Variants in COL28A1 observed in about 807,000 individuals in gnomAD.
COL28A1 encodes the protein collagen alpha-1(XXVIII) chain.
A neutral mutation model predicts 150.2 loss-of-function variants in COL28A1; 161 were observed. The observed-to-expected ratio is 1.07, with a 90% confidence interval of 0.94 to 1.22. The LOEUF (loss-of-function observed/expected upper bound fraction) is 1.22, where lower values mean the gene tolerates loss of function less well. Among genes scored for constraint, COL28A1 ranks in the 50% most tolerant of loss-of-function variants. The pLI is 0.00. For synonymous variants in COL28A1, 552 were observed against 469.7 expected (o/e 1.18, Z -2.26); for missense variants, 1,617 against 1,388.3 (o/e 1.16, Z -2.62).
chr7:7,494,614 C>T (rs1205032407), intron 11 of COL28A1, among the ~76,000 whole-genome samples: 5 of 152,052 alleles, frequency 3.3e-5, no homozygotes, highest in Non-Finnish European at 7.4e-5. Context: ...TTTTTGAGCA[C>T]CAAACTAATA....
intron 30 of COL28A1, among the ~76,000 whole-genome samples, chr7:7,379,335 G>A (rs565456376): frequency 6.6e-6 from 1 of 152,130 alleles, no homozygotes; most frequent in South Asian, 2.1e-4. Flanking sequence ...CCAGAATCTA[G>A]AAAACCAAAG....
At chr7:7,509,833 C>T (rs149480693) in intron 9 of COL28A1, among the ~76,000 whole-genome samples, 2 of 152,292 alleles carry the variant, frequency 1.3e-5, no homozygotes, top group African/African-American at 4.8e-5. Context: ...TATCCAGGTC[C>T]ATCTTCCATG....
At chr7:7,407,486 C>G (rs1783551286) in intron 27 of COL28A1, among the ~76,000 whole-genome samples, 1 of 152,090 alleles carries the variant, frequency 6.6e-6, no homozygotes, top group Admixed American at 6.6e-5. Context: ...AATAGACTGA[C>G]AGATAACTTC....
chr7:7,428,744 G>T (rs1239306384), intron 25 of COL28A1, among the ~76,000 whole-genome samples: 1 of 152,180 alleles, frequency 6.6e-6, no homozygotes, highest in Non-Finnish European at 1.5e-5. Context: ...CAAATTATCA[G>T]TTCCTCTTCC....
chr7:7,461,329 G>C (rs1037322354), intron 15 of COL28A1, among the ~76,000 whole-genome samples: 1 of 152,192 alleles, frequency 6.6e-6, no homozygotes, highest in African/African-American at 2.4e-5. Flanking sequence ...GCCCACAGGG[G>C]GAAGGAAACC....
chr7:7,511,143 A>C lies in COL28A1; in HGVS notation c.883-8T>G. The C allele has an allele frequency of 6.2e-7, 1 of 1,606,558 alleles. No individual in the cohort carries two copies. Among genetic ancestry groups the C allele is most frequent in the Non-Finnish European group, 8.5e-7 (1 of 1,173,394 alleles). On this transcript the variant is annotated splice_polypyrimidine_tract_variant and splice_region_variant and intron_variant, in intron 8 of 34. Coordinates refer to ENST00000399429, the MANE Select transcript of COL28A1 (RefSeq NM_001037763.3). ...ACATTCCCCACGTTCACCCTAAAAA[A>C]TAAATAAGTGAAATAAATAAGAGAA...
At chr7:7,342,543 T>G in the COL28A1 span, among the ~76,000 whole-genome samples, 1 of 152,070 alleles carries the variant, frequency 6.6e-6, no homozygotes, top group African/African-American at 2.4e-5. Context: ...TAATTACTTT[T>G]ATCTTTTTCC....
the COL28A1 span, among the ~76,000 whole-genome samples, chr7:7,344,402 G>A: frequency 6.6e-6 from 1 of 151,128 alleles, no homozygotes; most frequent in East Asian, 1.9e-4. Context: ...ATATTTCTTT[G>A]TATTATTTTT....
At chr7:7,507,924 C>A (rs1174486068) in intron 9 of COL28A1, among the ~76,000 whole-genome samples, 1 of 152,118 alleles carries the variant, frequency 6.6e-6, no homozygotes, top group East Asian at 1.9e-4. Flanking sequence ...CCCATTTGGC[C>A]TTACACTGTA....
intron 14 of COL28A1, 67 bp downstream of exon 14, chr7:7,477,045 T>C: frequency 2.4e-6 from 2 of 837,316 alleles, no homozygotes; most frequent in Non-Finnish European, 4.1e-6. Context: ...AGGACACATT[T>C]TTAAAATTTG....
chr7:7,347,990 G>T, the COL28A1 span, among the ~76,000 whole-genome samples: 1 of 151,988 alleles, frequency 6.6e-6, no homozygotes, highest in Admixed American at 6.6e-5. Flanking sequence ...GATTCTATGA[G>T]GCATTAATTG....
At chr7:7,540,655 A>G (rs546587998), upstream of COL28A1, among the ~76,000 whole-genome samples, 2 of 152,248 alleles carry the variant, frequency 1.3e-5, no homozygotes, top group Non-Finnish European at 2.9e-5. Flanking sequence ...TGAGCAGGAG[A>G]AAAAGGAAGC....
At chr7:7,463,121 C>T (rs1027672474) in intron 15 of COL28A1, among the ~76,000 whole-genome samples, 6 of 151,810 alleles carry the variant, frequency 4.0e-5, no homozygotes, top group Non-Finnish European at 8.8e-5. Context: ...GAGGAATAAT[C>T]GAGGAAAACT....
chr7:7,390,784 T>C (rs901271982), intron 27 of COL28A1, among the ~76,000 whole-genome samples: 85 of 152,330 alleles, frequency 5.6e-4, no homozygotes, highest in African/African-American at 1.9e-3. Flanking sequence ...TGCATAGAGG[T>C]ATTTATAGTA....
chr7:7,358,584 G>T lies in COL28A1; in HGVS notation c.*49C>A, dbSNP rs766900797. 12 of 1,553,850 alleles carry T rather than the reference G, an allele frequency of 7.7e-6. 1 individual carries two copies. The South Asian group carries it at 1.4e-4, about 18-fold the overall frequency. The stretch of plus-strand genomic sequence containing the variant: ...TGTATTTGTATTGGGTGAATATGTG[G>T]AAATTAGGGAGTTCTATGCTTTTGA... On this transcript the variant is annotated 3_prime_UTR_variant, in exon 35 of 35. Transcript: ENST00000399429.
At chr7:7,406,194 AG>A (rs1225229502) in intron 27 of COL28A1, among the ~76,000 whole-genome samples, 2 of 152,190 alleles carry the variant, frequency 1.3e-5, no homozygotes, top group African/African-American at 4.8e-5. Context: ...GATTTAGAAA[AG>A]AATCACTTCA....
chr7:7,503,576 C>T (rs1224275085), intron 11 of COL28A1, among the ~76,000 whole-genome samples: 1 of 151,930 alleles, frequency 6.6e-6, no homozygotes, highest in Non-Finnish European at 1.5e-5. Flanking sequence ...GATTGAGGAA[C>T]AAAAATAGCT....
At chr7:7,347,232 A>T in the COL28A1 span, among the ~76,000 whole-genome samples, 1 of 152,020 alleles carries the variant, frequency 6.6e-6, no homozygotes, top group Non-Finnish European at 1.5e-5. Flanking sequence ...ATGAGCCCTG[A>T]CTTAAAATAC....
At chr7:7,500,057 A>G (rs570631021) in intron 11 of COL28A1, among the ~76,000 whole-genome samples, 3 of 152,214 alleles carry the variant, frequency 2.0e-5, no homozygotes, top group Non-Finnish European at 4.4e-5. Context: ...TTGATGGGGT[A>G]TGTCAACACT....
Sources: allele counts gnomAD v4.1 joint callset (sites outside exome capture counted in the v4.1 genomes callset), GRCh38; gene constraint gnomAD v4.1.1; transcripts MANE v1.5; gene names NCBI Gene and HGNC (gene_info 2026-07-23, HGNC 2026-07-21).